The following ANKFN1 variants were observed in gnomAD, a reference collection of about 807,000 sequenced individuals.
ANKFN1 encodes ankyrin repeat and fibronectin type III domain containing 1.
In ANKFN1, 74 loss-of-function variants were observed where a neutral mutation model predicts 108.7. The ratio of observed to expected loss-of-function variants is 0.68; its 90% CI spans 0.56 to 0.83. The LOEUF (loss-of-function observed/expected upper bound fraction) is 0.83. ANKFN1 is among the 40% of genes least tolerant of loss of function. ANKFN1 has a pLI of 0.00. For synonymous variants in ANKFN1, 547 were observed against 516.2 expected, an observed-to-expected ratio of 1.06 and a Z score of -0.81; for missense variants, 1,505 against 1,382.3, an observed-to-expected ratio of 1.09 and a Z score of -1.41.
intron 4 of ANKFN1, among the ~76,000 whole-genome samples, chr17:56,088,317 T>C (rs1905352532): frequency 6.6e-6 from 1 of 150,992 alleles, no homozygotes; most frequent in Non-Finnish European, 1.5e-5. Flanking sequence ...GAGGGAGAGG[T>C]GGAAAAATTT....
chr17:56,355,930 AC>A (rs1353302621), intron 6 of ANKFN1, among the ~76,000 whole-genome samples: 2 of 152,116 alleles, frequency 1.3e-5, no homozygotes, highest in Non-Finnish European at 2.9e-5. Flanking sequence ...CATACCATTG[AC>A]TATTATCACT....
At chr17:56,409,477 C>G (rs1313521623) in intron 8 of ANKFN1, among the ~76,000 whole-genome samples, 1 of 152,190 alleles carries the variant, frequency 6.6e-6, no homozygotes, top group African/African-American at 2.4e-5. Flanking sequence ...GCCTCAGAGC[C>G]TAAGAACAAC....
intron 4 of ANKFN1, among the ~76,000 whole-genome samples, chr17:56,050,195 G>C (rs1041597850): frequency 6.6e-6 from 1 of 150,536 alleles, no homozygotes; most frequent in African/African-American, 2.4e-5. Context: ...GTCTTCTTTT[G>C]AGAAGTGTCT....
chr17:56,050,613 C>T (rs80250176), intron 4 of ANKFN1, among the ~76,000 whole-genome samples: 2 of 151,160 alleles, frequency 1.3e-5, no homozygotes, highest in East Asian at 2.0e-4. Context: ...CTACGTATGG[C>T]TAGCCAGTTT....
intron 20 of ANKFN1, among the ~76,000 whole-genome samples, chr17:56,505,258 T>C (rs2051515540): frequency 6.6e-6 from 1 of 152,238 alleles, no homozygotes; most frequent in Non-Finnish European, 1.5e-5. Flanking sequence ...TTGCTTTTAG[T>C]ATTATTTCTA....
In ANKFN1 at chr17:56,457,953, A is replaced by G. The variant is rs1568017649; in HGVS notation, c.1531A>G (p.Met511Val). The G allele has an allele frequency of 2.5e-6, 4 of 1,614,010 alleles. No homozygotes were observed. In the African/African-American group the frequency reaches 4.0e-5, roughly 16 times the overall value. The change falls in exon 14 of 21, where the codon ATG becomes GTG. Residue 511 changes from methionine to valine, a missense_variant. By Grantham distance (21) the Met-to-Val change is conservative. Coordinates refer to ENST00000682825, the MANE Select transcript of ANKFN1 (RefSeq NM_001370326.1). ...CACAGTGCTGCAAACTCGGCAGAAG[A>G]TGCTCGCAGCAACAGCACAGCTACA... is the stretch of plus-strand genomic sequence containing the variant. ...SSTVLQTRQK[M>V]LAATAQLQNL...
chr17:56,374,537 G>C, intron 7 of ANKFN1, 64 bp from the exon 8 acceptor site: 1 of 1,193,650 alleles, frequency 8.4e-7, no homozygotes, highest in Non-Finnish European at 1.2e-6. Context: ...CTTTGAAGAG[G>C]GAGGAACGTT....
chr17:56,163,951 T>TACAC (rs1397089276), intron 1 of ANKFN1, among the ~76,000 whole-genome samples: 2 of 152,224 alleles, frequency 1.3e-5, no homozygotes, highest in Non-Finnish European at 2.9e-5. Context: ...GTGTGGTGTG[T>TACAC]GTATTTTGGT....
intron 8 of ANKFN1, among the ~76,000 whole-genome samples, chr17:56,382,325 G>T (rs2047129824): frequency 6.6e-6 from 1 of 152,114 alleles, no homozygotes; most frequent in Non-Finnish European, 1.5e-5. Context: ...AGCTCCTGAA[G>T]GAAGCACTAA....
chr17:56,496,506 T>C (rs2051205577), intron 19 of ANKFN1, among the ~76,000 whole-genome samples: 1 of 152,144 alleles, frequency 6.6e-6, no homozygotes, highest in Non-Finnish European at 1.5e-5. Context: ...GAGGAGAATC[T>C]AGTCTCTGCC....
intron 1 of ANKFN1, among the ~76,000 whole-genome samples, chr17:56,165,838 TAAC>T (rs1242137636): frequency 3.9e-5 from 6 of 152,158 alleles, no homozygotes; most frequent in Non-Finnish European, 7.3e-5. Context: ...GTGTTGTTAC[TAAC>T]AACAAGAATT....
chr17:56,310,070 G>T (rs1271139276), intron 3 of ANKFN1, among the ~76,000 whole-genome samples: 1 of 152,212 alleles, frequency 6.6e-6, no homozygotes, highest in Admixed American at 6.5e-5. Context: ...AGGAGCAGAT[G>T]AAATCAATGA....
chr17:56,439,998 G>A (rs948460107), intron 8 of ANKFN1, among the ~76,000 whole-genome samples: 1 of 152,022 alleles, frequency 6.6e-6, no homozygotes, highest in African/African-American at 2.4e-5. Context: ...ATGGTCTCAT[G>A]AGCAATATAT....
Position 56,267,430 on chromosome 17 carries a change from G to A in ANKFN1, c.53+39473G>A, listed in dbSNP as rs561176187. ...TTATTCATTTAATTAAGTCCCAGTCGTCAATTTTAGTTTTTGTTCAATTGC... is the reference window on the plus strand; with the variant it reads ...TTATTCATTTAATTAAGTCCCAGTCATCAATTTTAGTTTTTGTTCAATTGC... On this transcript the variant is annotated intron_variant, in intron 3 of 20. Coordinates refer to ENST00000682825, the MANE Select transcript of ANKFN1 (RefSeq NM_001370326.1). Among the ~76,000 whole-genome samples, 14 of 152,238 alleles carry A rather than the reference G, an allele frequency of 9.2e-5. No homozygotes were observed. In the South Asian group the frequency reaches 1.9e-3, roughly 20 times the overall value.
intron 8 of ANKFN1, among the ~76,000 whole-genome samples, chr17:56,385,379 C>T (rs2144840821): frequency 6.6e-6 from 1 of 152,268 alleles, no homozygotes; most frequent in South Asian, 2.1e-4. Context: ...AGAAGAAAGC[C>T]TAGGCATTAC....
intron 1 of ANKFN1, among the ~76,000 whole-genome samples, chr17:56,169,989 G>A (rs1910504968): frequency 6.6e-6 from 1 of 152,156 alleles, no homozygotes; most frequent in African/African-American, 2.4e-5. Context: ...TGATCAGGTC[G>A]ATCTGGTAAA....
intron 18 of ANKFN1, among the ~76,000 whole-genome samples, chr17:56,491,572 G>T (rs887913470): frequency 6.6e-6 from 1 of 152,180 alleles, no homozygotes; most frequent in Non-Finnish European, 1.5e-5. Context: ...CAAGTCTGCT[G>T]AAGACAAGAA....
At position 56,516,768 on chromosome 17, in the gene ANKFN1, C is replaced by T. The variant is rs2145522635; in HGVS notation, c.*5499C>T. Among the ~76,000 whole-genome samples the T allele has an allele frequency of 6.6e-6, 1 of 152,148 alleles. No homozygotes were observed. The highest frequency in any genetic ancestry group is 2.1e-4 in the South Asian group (1 of 4,810). ...GTATTTTTGGTAATTTCTTACCTGC[C>T]TAAGTGTATTTTCAAGAAAAATTGT... On this transcript the variant is annotated 3_prime_UTR_variant, in exon 21 of 21. Coordinates refer to ENST00000682825, the MANE Select transcript of ANKFN1 (RefSeq NM_001370326.1).
intron 1 of ANKFN1, among the ~76,000 whole-genome samples, chr17:56,170,805 T>TACACACACACACACAC (rs1383558821): frequency 4.1e-3 from 292 of 72,096 alleles, no homozygotes; most frequent in South Asian, 0.012. Context: ...TATATATATA[T>TACACACACACACACAC]ATACACACAC....
Sources: gnomAD v4.1 joint callset for allele counts (sites outside exome capture counted in the v4.1 genomes callset) on GRCh38, gnomAD v4.1.1 for gene constraint, MANE v1.5 for transcripts, NCBI Gene and HGNC (gene_info 2026-07-23, HGNC 2026-07-21) for gene names.